Variants in PRKAR2A observed in about 807,000 individuals in gnomAD.
The protein encoded by PRKAR2A is protein kinase cAMP-dependent type II regulatory subunit alpha.
PRKAR2A carries 29 observed loss-of-function variants against 51.9 expected under a neutral mutation model. That is an observed-to-expected ratio of 0.56 (90% CI 0.42 to 0.76). The LOEUF (loss-of-function observed/expected upper bound fraction) is 0.76, where lower values mean the gene tolerates loss of function less well. PRKAR2A is among the 30% of genes least tolerant of loss of function. The probability of loss-of-function intolerance (pLI) is 0.00; values close to 1 mark genes in which losing one functional copy is unlikely to be tolerated. For missense variants in PRKAR2A, 445 were observed against 512.1 expected, an observed-to-expected ratio of 0.87 and a Z score of 1.26; for synonymous variants, 178 against 186.2, an observed-to-expected ratio of 0.96 and a Z score of 0.36.
intron 1 of PRKAR2A, among the ~76,000 whole-genome samples, chr3:48,844,602 G>A (rs1472324976): frequency 1.3e-5 from 2 of 148,942 alleles, no homozygotes; most frequent in Non-Finnish European, 3.0e-5. Context: ...GTCCAACAAT[G>A]ATAGACTGGA....
chr3:48,844,478 C>T (rs1425069703), intron 1 of PRKAR2A, among the ~76,000 whole-genome samples: 1 of 150,930 alleles, frequency 6.6e-6, no homozygotes, highest in African/African-American at 2.4e-5. Flanking sequence ...CCAGCCATCC[C>T]ATTACTGGGT....
chr3:48,804,244 T>C (rs2082637462), intron 2 of PRKAR2A, among the ~76,000 whole-genome samples: 1 of 152,088 alleles, frequency 6.6e-6, no homozygotes, highest in African/African-American at 2.4e-5. Flanking sequence ...GTGGATTGCT[T>C]GAGCTCAGGA....
At chr3:48,762,894 T>C (rs903061931) in intron 8 of PRKAR2A, among the ~76,000 whole-genome samples, 35 of 152,310 alleles carry the variant, frequency 2.3e-4, no homozygotes, top group African/African-American at 7.2e-4. Flanking sequence ...ACAGAGACTA[T>C]ACATTACATG....
In PRKAR2A at chr3:48,783,036, C is replaced by T. The variant is rs1250202561; in HGVS notation, c.492G>A (p.Glu164=). The change falls in exon 5 of 11, where the codon GAG becomes GAA. Residue 164 remains glutamate (E), a synonymous_variant. Transcript: ENST00000265563. ...CATCATCTCCTTGGTCAATGACATG[C>T]TCATCAGCTTTGACTATCCTTTCAA... ...AMFERIVKAD[E]HVIDQGDDGD... 1 of 1,613,904 alleles carries T rather than the reference C, an allele frequency of 6.2e-7. No homozygotes were observed. Among genetic ancestry groups the T allele is most frequent in the Admixed American group, 1.7e-5 (1 of 60,004 alleles).
At chr3:48,816,006 G>A (rs1322602588) in intron 1 of PRKAR2A, among the ~76,000 whole-genome samples, 6 of 135,026 alleles carry the variant, frequency 4.4e-5, no homozygotes, top group East Asian at 2.5e-4. Context: ...GTGACAGTGC[G>A]AGACTCCATC....
intron 8 of PRKAR2A, among the ~76,000 whole-genome samples, chr3:48,759,255 T>C (rs1482390371): frequency 6.6e-6 from 1 of 152,214 alleles, no homozygotes; most frequent in Non-Finnish European, 1.5e-5. Flanking sequence ...CCTGTTTCCA[T>C]GCTGTCCAGT....
At chr3:48,802,688 G>C (rs1022175271) in intron 2 of PRKAR2A, among the ~76,000 whole-genome samples, 1 of 152,122 alleles carries the variant, frequency 6.6e-6, no homozygotes, top group Non-Finnish European at 1.5e-5. Context: ...GGGTGACACA[G>C]CCAGACTCAG....
chr3:48,746,359 A>T (rs982014479), downstream of PRKAR2A, among the ~76,000 whole-genome samples: 5 of 150,364 alleles, frequency 3.3e-5, no homozygotes, highest in Non-Finnish European at 5.9e-5. Flanking sequence ...TCACTAAAAA[A>T]AAAAAAAAAA....
chr3:48,837,013 A>T lies in PRKAR2A; in HGVS notation c.262+10322T>A, dbSNP rs532422528. ...AGGCATGGTGTATGCCTGTAGTCCT[A>T]GCTACTTGGGAGGCTAAGGTGAAAG... On this transcript the variant is annotated intron_variant, in intron 1 of 10. Transcript: ENST00000265563. Among the ~76,000 whole-genome samples the T allele has an allele frequency of 4.6e-5, 7 of 152,158 alleles. 1 individual carries two copies. Among genetic ancestry groups the T allele is most frequent in the African/African-American group, 1.4e-4 (6 of 41,522 alleles).
intron 8 of PRKAR2A, among the ~76,000 whole-genome samples, chr3:48,760,548 G>A (rs373227684): frequency 2.6e-5 from 4 of 151,546 alleles, no homozygotes; most frequent in African/African-American, 7.3e-5. Flanking sequence ...TAGGCCGGGC[G>A]CAGTGGCTCA....
chr3:48,831,105 A>G (rs976537246), intron 1 of PRKAR2A, among the ~76,000 whole-genome samples: 6 of 152,260 alleles, frequency 3.9e-5, no homozygotes, highest in South Asian at 2.1e-4. Context: ...TGTACTATAC[A>G]TAATTATATG....
At chr3:48,815,708 A>G (rs910995904) in intron 1 of PRKAR2A, among the ~76,000 whole-genome samples, 3 of 148,494 alleles carry the variant, frequency 2.0e-5, no homozygotes, top group Non-Finnish European at 3.0e-5. Flanking sequence ...AAAAAAAAAA[A>G]AAGAAGAAGA....
intron 1 of PRKAR2A, among the ~76,000 whole-genome samples, chr3:48,840,771 T>C (rs2083366953): frequency 6.6e-6 from 1 of 150,642 alleles, no homozygotes; most frequent in African/African-American, 2.4e-5. Context: ...AGAGACGGAA[T>C]TTCACTGTGT....
rs199776610 is a variant in PRKAR2A at position 48,773,067 on chromosome 3, C to A, written c.584G>T (p.Arg195Leu). Residue 195 changes from arginine to leucine, a missense_variant, in exon 6 of 11, where the codon CGC (arginine) becomes CTC (leucine). Arg to Leu is a moderately radical substitution (Grantham distance 102). Coordinates refer to ENST00000265563, the MANE Select transcript of PRKAR2A (RefSeq NM_004157.4). The part of the protein sequence containing the change: ...DILVTKDNQT[R>L]SVGQYDNRGS... ...ACGGTTGTCATATTGACCAACAGAGCGGGTTTGATTATCTTTTGTTACTAA... is the reference window on the plus strand; with the variant it reads ...ACGGTTGTCATATTGACCAACAGAGAGGGTTTGATTATCTTTTGTTACTAA... 1.2e-6 allele frequency: 2 copies of A among 1,610,898 alleles called. No individual in the cohort carries two copies. The highest frequency in any genetic ancestry group is 2.2e-5 in the South Asian group (2 of 90,692).
chr3:48,813,512 G>T (rs920239968), intron 1 of PRKAR2A, among the ~76,000 whole-genome samples: 1 of 152,082 alleles, frequency 6.6e-6, no homozygotes, highest in Non-Finnish European at 1.5e-5. Flanking sequence ...GGCTAACACA[G>T]TGAAACCCTG....
chr3:48,765,271 C>CA lies in PRKAR2A; in HGVS notation c.774dup (p.Val259CysfsTer5). 6.2e-7 allele frequency: 1 copy of CA among 1,611,934 alleles called. No homozygotes were observed. The highest frequency in any genetic ancestry group is 8.5e-7 in the Non-Finnish European group (1 of 1,178,548). Reference sequence around the variant, plus strand: ...ACCTCTAGTGATTTAAGGAGGGGCACAGACTCAATAAATGATTCAAACATC... The same window carrying CA: ...ACCTCTAGTGATTTAAGGAGGGGCACAAGACTCAATAAATGATTCAAACATC... On this transcript the variant is annotated frameshift_variant, in exon 7 of 11. Coordinates refer to ENST00000265563, the MANE Select transcript of PRKAR2A (RefSeq NM_004157.4). LOFTEE classifies it high-confidence loss of function.
intron 1 of PRKAR2A, among the ~76,000 whole-genome samples, chr3:48,839,206 T>C (rs1237064317): frequency 6.6e-6 from 1 of 151,694 alleles, no homozygotes; most frequent in Non-Finnish European, 1.5e-5. Flanking sequence ...GAGAATTGCT[T>C]CAACCCGGGA....
chr3:48,769,879 G>A (rs2082004558), intron 6 of PRKAR2A, among the ~76,000 whole-genome samples: 2 of 152,116 alleles, frequency 1.3e-5, no homozygotes, highest in African/African-American at 4.8e-5. Context: ...TTAGGCCCAG[G>A]TGATCCTCCC....
At chr3:48,794,855 T>C (rs1228196255) in intron 2 of PRKAR2A, among the ~76,000 whole-genome samples, 1 of 152,192 alleles carries the variant, frequency 6.6e-6, no homozygotes, top group Non-Finnish European at 1.5e-5. Flanking sequence ...CTTTTACTGG[T>C]TAATTTTTCC....
Sources: gnomAD v4.1 joint callset for allele counts (sites outside exome capture counted in the v4.1 genomes callset) on GRCh38, gnomAD v4.1.1 for gene constraint, MANE v1.5 for transcripts, NCBI Gene and HGNC (gene_info 2026-07-23, HGNC 2026-07-21) for gene names.